The following FOXJ3 variants were observed in gnomAD, a reference collection of about 807,000 sequenced individuals.
FOXJ3 encodes forkhead box J3.
FOXJ3 carries 22 observed loss-of-function variants against 76.1 expected under a neutral mutation model. The observed-to-expected ratio is 0.29, with a 90% CI of 0.21 to 0.41. FOXJ3 has a LOEUF of 0.41. Ranked by LOEUF, FOXJ3 falls within the 10% of genes least tolerant of loss-of-function variation. FOXJ3 has a pLI of 1.00. For synonymous variants in FOXJ3, 269 were observed against 261.2 expected (o/e 1.03, Z -0.29); for missense variants, 613 against 762.1 (o/e 0.80, Z 2.30).
chr1:42,331,829 TA>T (rs5773767), intron 1 of FOXJ3, among the ~76,000 whole-genome samples: 10,206 of 89,908 alleles, frequency 0.11, 407 homozygotes, highest in African/African-American at 0.16. Flanking sequence ...AAAGCTTTTT[TA>T]AAAAAAAAAA....
At chr1:42,249,213 T>C (rs1413498839) in intron 4 of FOXJ3, among the ~76,000 whole-genome samples, 1 of 152,190 alleles carries the variant, frequency 6.6e-6, no homozygotes, top group African/African-American at 2.4e-5. Flanking sequence ...TACATGTGCA[T>C]GTATCTTTAA....
chr1:42,302,011 G>A (rs569427774), intron 2 of FOXJ3, among the ~76,000 whole-genome samples: 66 of 152,192 alleles, frequency 4.3e-4, no homozygotes, highest in African/African-American at 4.6e-4. Context: ...TATATGTTGC[G>A]TAGGGTCTTT....
At chr1:42,315,855 A>C (rs1303899888) in intron 1 of FOXJ3, among the ~76,000 whole-genome samples, 1 of 152,244 alleles carries the variant, frequency 6.6e-6, no homozygotes, top group East Asian at 1.9e-4. Context: ...CTACAGCATA[A>C]ATCTCCAAAT....
intron 2 of FOXJ3, among the ~76,000 whole-genome samples, chr1:42,291,807 G>T (rs1264202965): frequency 3.3e-5 from 5 of 152,094 alleles, no homozygotes; most frequent in Non-Finnish European, 5.9e-5. Flanking sequence ...GAACCAACAG[G>T]ACTTGTATCC....
intron 2 of FOXJ3, among the ~76,000 whole-genome samples, chr1:42,290,485 C>T (rs1241005640): frequency 6.6e-6 from 1 of 152,108 alleles, no homozygotes; most frequent in African/African-American, 2.4e-5. Flanking sequence ...AATCCCAGCA[C>T]TATTTGGGTT....
chr1:42,316,333 C>CGTTTTTTTTTTTTTTTTTTTTTTTT (rs1322633444), intron 1 of FOXJ3, among the ~76,000 whole-genome samples: 1 of 73,914 alleles, frequency 1.4e-5, no homozygotes, highest in African/African-American at 4.3e-5. Context: ...TGCATTGGGC[C>CGTTTTTTTTTTTTTTTTTTTTTTTT]TTTTTTTTTT....
In FOXJ3 at chr1:42,208,600, G is replaced by C. The variant is rs1569869818; in HGVS notation, c.529-2737C>G. Among the ~76,000 whole-genome samples, 3 of 152,164 alleles carry C rather than the reference G, an allele frequency of 2.0e-5. No homozygotes were observed. In the South Asian group the frequency reaches 6.2e-4, roughly 32 times the overall value. ...CTAACACCATACTCAATGGTGAAAA[G>C]TTAAAGGCTTTTCCTCTTAAGACCA... is the stretch of plus-strand genomic sequence containing the variant. On this transcript the variant is annotated intron_variant, in intron 5 of 12. Transcript: ENST00000361346.
intron 4 of FOXJ3, among the ~76,000 whole-genome samples, chr1:42,238,844 A>G (rs974064639): frequency 6.6e-6 from 1 of 152,172 alleles, no homozygotes; most frequent in African/African-American, 2.4e-5. Flanking sequence ...CACCCAGCCT[A>G]GGATTTTTTT....
chr1:42,314,923 T>C (rs1403792150), intron 1 of FOXJ3, among the ~76,000 whole-genome samples: 1 of 152,228 alleles, frequency 6.6e-6, no homozygotes, highest in Non-Finnish European at 1.5e-5. Context: ...ACCCAAATGT[T>C]TGTCAACTAA....
rs550356607 is a variant in FOXJ3, at chr1:42,334,422, G to C, written c.-18+637C>G. ...CAGCTGCAAAAATGGAGCTGGGAGG[G>C]GGGGCGGGAGACACTCTACCACGTG... On this transcript the variant is annotated intron_variant, in intron 1 of 12. Coordinates refer to ENST00000361346, the MANE Select transcript of FOXJ3 (RefSeq NM_014947.5). 5.4e-4 allele frequency among the ~76,000 whole-genome samples: 82 copies of C among 152,226 alleles called. 3 individuals are homozygous for C. Among genetic ancestry groups the C allele is most frequent in the Admixed American group, 9.1e-4 (14 of 15,302 alleles).
At chr1:42,315,391 ATCTGTAGGTTCTTATT>A (rs1343883695) in intron 1 of FOXJ3, 6 of 984,122 alleles carry the variant, frequency 6.1e-6, no homozygotes, top group Admixed American at 1.2e-4. Flanking sequence ...TTGCTTCTTC[ATCTGTAGGTTCTTATT>A]TCTCAATCAG....
intron 1 of FOXJ3, among the ~76,000 whole-genome samples, chr1:42,311,675 A>AGTAGTAGTAGTAGTAGTAGTAGTG (rs1553169336): frequency 6.6e-6 from 1 of 152,056 alleles, no homozygotes; most frequent in South Asian, 2.1e-4. Flanking sequence ...TAGTAGTAGT[A>AGTAGTAGTAGTAGTAGTAGTAGTG]GTAAAGAGAA....
intron 4 of FOXJ3, among the ~76,000 whole-genome samples, chr1:42,262,610 A>C (rs1478391978): frequency 6.6e-6 from 1 of 152,176 alleles, no homozygotes; most frequent in Non-Finnish European, 1.5e-5. Flanking sequence ...GCACTTTGGG[A>C]GGCCGAGGTG....
At chr1:42,285,850 G>T (rs553427151) in intron 2 of FOXJ3, among the ~76,000 whole-genome samples, 33 of 152,264 alleles carry the variant, frequency 2.2e-4, no homozygotes, top group African/African-American at 7.7e-4. Context: ...TTTTATTGTT[G>T]TTTTCCTATT....
chr1:42,255,337 T>C (rs1374233042), intron 4 of FOXJ3, among the ~76,000 whole-genome samples: 1 of 152,212 alleles, frequency 6.6e-6, no homozygotes, highest in Admixed American at 6.5e-5. Context: ...ATACATATTG[T>C]TAAGCTCTAG....
chr1:42,250,177 G>A (rs1649906504), intron 4 of FOXJ3, among the ~76,000 whole-genome samples: 2 of 152,112 alleles, frequency 1.3e-5, no homozygotes, highest in South Asian at 4.1e-4. Context: ...AAGTGACATA[G>A]TATTTTAGGT....
At chr1:42,265,896 T>C (rs1015706344) in intron 3 of FOXJ3, among the ~76,000 whole-genome samples, 3 of 152,166 alleles carry the variant, frequency 2.0e-5, no homozygotes, top group Non-Finnish European at 4.4e-5. Flanking sequence ...GAAAATGCCC[T>C]TGGAAACCTG....
chr1:42,227,959 T>A lies in FOXJ3; in HGVS notation c.452A>T (p.Tyr151Phe). Residue 151 changes from tyrosine (Y) to phenylalanine (F), a missense_variant, in exon 5 of 13, where the codon TAC (tyrosine) becomes TTC (phenylalanine). Physicochemically the swap from Tyr to Phe is conservative, Grantham distance 22. Around this residue, in one of 3 missense-constraint regions of FOXJ3, gnomAD observed 526 missense variants for 601.4 expected, o/e 0.87. Transcript: ENST00000361346. Reference protein sequence around the residue: ...RSKDDPGKGSYWAIDTNPKED... With the variant: ...RSKDDPGKGSFWAIDTNPKED... Reference sequence around the variant, plus strand: ...CTTCGGATTGGTGTCTATTGCCCAGTAGGACCCCTAGAGGTAAAGAAATTA... The same window carrying A: ...CTTCGGATTGGTGTCTATTGCCCAGAAGGACCCCTAGAGGTAAAGAAATTA... The A allele has an allele frequency of 6.5e-7, 1 of 1,541,836 alleles. No individual in the cohort carries two copies. Among genetic ancestry groups the A allele is most frequent in the South Asian group, 1.2e-5 (1 of 81,646 alleles).
intron 5 of FOXJ3, among the ~76,000 whole-genome samples, chr1:42,207,242 T>G (rs1279884440): frequency 6.6e-6 from 1 of 152,210 alleles, no homozygotes; most frequent in Non-Finnish European, 1.5e-5. Context: ...TATCTTCATG[T>G]AATCCACTTT....
Sources: gnomAD v4.1 joint callset for allele counts (sites outside exome capture counted in the v4.1 genomes callset) on GRCh38, gnomAD v4.1.1 for gene constraint, gnomAD v4.1.1 regional missense constraint, MANE v1.5 for transcripts, NCBI Gene and HGNC (gene_info 2026-07-23, HGNC 2026-07-21) for gene names.